NIPAL2: variants seen among roughly 807,000 people sequenced by gnomAD.
NIPAL2 encodes NIPA like domain containing 2.
Under a neutral mutation model 48.9 loss-of-function variants are expected in NIPAL2, and 43 were observed. The ratio of observed to expected loss-of-function variants is 0.88; its 90% CI spans 0.69 to 1.13. The LOEUF is 1.13. Among genes scored for constraint, NIPAL2 ranks in the 50% most tolerant of loss-of-function variants. The pLI, the probability that NIPAL2 is intolerant of heterozygous loss-of-function variation, is 0.00. For synonymous variants in NIPAL2, 167 were observed against 174.6 expected, an observed-to-expected ratio of 0.96 and a Z score of 0.34; for missense variants, 446 against 461.4, an observed-to-expected ratio of 0.97 and a Z score of 0.31.
chr8:98,222,441 T>C (rs764085513), intron 5 of NIPAL2, 38 bp downstream of exon 5: 7 of 1,605,320 alleles, frequency 4.4e-6, no homozygotes, highest in Non-Finnish European at 6.0e-6. Flanking sequence ...GTCTGGATAA[T>C]ATAGCTTCGG....
At chr8:98,204,856 A>T (rs980438667) in intron 7 of NIPAL2, among the ~76,000 whole-genome samples, 1 of 151,928 alleles carries the variant, frequency 6.6e-6, no homozygotes, top group Non-Finnish European at 1.5e-5. Flanking sequence ...AGCATCAGGA[A>T]AGTATCAAAG....
intron 2 of NIPAL2, among the ~76,000 whole-genome samples, chr8:98,253,007 CT>C (rs1012823976): frequency 3.3e-5 from 5 of 151,958 alleles, no homozygotes. Context: ...GTGAATCCTC[CT>C]TTTGTCCAAC....
At chr8:98,206,749 C>T (rs369444860) in intron 6 of NIPAL2, among the ~76,000 whole-genome samples, 1 of 148,812 alleles carries the variant, frequency 6.7e-6, no homozygotes, top group African/African-American at 2.5e-5. Flanking sequence ...TGCACTCCAG[C>T]CTGGGTGACA....
chr8:98,203,247 A>G (rs1222864827), intron 7 of NIPAL2, 51 bp from the exon 8 acceptor site: 2 of 1,284,616 alleles, frequency 1.6e-6, no homozygotes, highest in Non-Finnish European at 2.3e-6. Flanking sequence ...ACATTCAGCA[A>G]TAAGTTAACA....
intron 3 of NIPAL2, among the ~76,000 whole-genome samples, chr8:98,248,717 A>G (rs940559677): frequency 6.6e-6 from 1 of 152,242 alleles, no homozygotes; most frequent in Non-Finnish European, 1.5e-5. Context: ...AGCTTTGTGA[A>G]TTAATGGAAA....
chr8:98,288,269 C>G (rs1816295977), intron 1 of NIPAL2, among the ~76,000 whole-genome samples: 1 of 147,924 alleles, frequency 6.8e-6, no homozygotes, highest in South Asian at 2.2e-4. Context: ...CAATTCCCAC[C>G]TATGAGTGAG....
intron 4 of NIPAL2, among the ~76,000 whole-genome samples, chr8:98,233,044 G>T (rs1479049489): frequency 6.6e-6 from 1 of 152,180 alleles, no homozygotes; most frequent in Non-Finnish European, 1.5e-5. Flanking sequence ...TGGATCATGA[G>T]CTCAGGAGTT....
intron 1 of NIPAL2, among the ~76,000 whole-genome samples, chr8:98,278,250 T>G (rs1297498394): frequency 6.6e-6 from 1 of 152,176 alleles, no homozygotes; most frequent in Non-Finnish European, 1.5e-5. Flanking sequence ...GTTTGTTTTG[T>G]TTTTGCAATT....
At chr8:98,217,177 C>T (rs1157961105) in intron 5 of NIPAL2, 1 of 985,314 alleles carries the variant, frequency 1.0e-6, no homozygotes. Flanking sequence ...CTGGGCTTCT[C>T]AAATCTTCCT....
At chr8:98,226,951 CT>C (rs1563503548) in intron 4 of NIPAL2, among the ~76,000 whole-genome samples, 2 of 152,134 alleles carry the variant, frequency 1.3e-5, no homozygotes, top group African/African-American at 4.8e-5. Flanking sequence ...TTCTATTCTA[CT>C]GCAGCTAGGC....
chr8:98,234,644 C>T (rs186150174), intron 4 of NIPAL2, among the ~76,000 whole-genome samples: 46 of 151,786 alleles, frequency 3.0e-4, no homozygotes, highest in Non-Finnish European at 5.0e-4. Context: ...TCCTCCCAGG[C>T]TCAGGTGATC....
intron 4 of NIPAL2, among the ~76,000 whole-genome samples, chr8:98,232,359 A>G (rs1487282432): frequency 6.6e-6 from 1 of 152,202 alleles, no homozygotes; most frequent in Non-Finnish European, 1.5e-5. Flanking sequence ...GAAAAAACAA[A>G]ACAGAGCACC....
At chr8:98,206,775 T>TAA (rs1811064057) in intron 6 of NIPAL2, among the ~76,000 whole-genome samples, 1 of 88,534 alleles carries the variant, frequency 1.1e-5, no homozygotes, top group African/African-American at 4.8e-5. Context: ...AGACTCTGTC[T>TAA]CAAAAAAAAA....
At chr8:98,252,748 TA>T in intron 2 of NIPAL2, 114 bp from the exon 3 acceptor site, 1 of 904,376 alleles carries the variant, frequency 1.1e-6, no homozygotes, top group Non-Finnish European at 1.6e-6. Flanking sequence ...TTTATTTTTG[TA>T]TTTTTTTTTA....
chr8:98,218,217 T>C (rs936233846), intron 5 of NIPAL2, among the ~76,000 whole-genome samples: 1 of 152,252 alleles, frequency 6.6e-6, no homozygotes, highest in African/African-American at 2.4e-5. Context: ...GTGACCCTTT[T>C]CTTAACTAGA....
At chr8:98,270,971 G>T (rs1000578080) in intron 1 of NIPAL2, among the ~76,000 whole-genome samples, 1 of 152,052 alleles carries the variant, frequency 6.6e-6, no homozygotes, top group Non-Finnish European at 1.5e-5. Flanking sequence ...TTTCTCCATT[G>T]CTTTTGTCGA....
chr8:98,251,865 G>A (rs1237026348), intron 3 of NIPAL2: 2 of 152,130 alleles, frequency 1.3e-5, no homozygotes, highest in East Asian at 3.8e-4. Context: ...GATTTTAACA[G>A]GGCTTAGAGA....
At chr8:98,279,097 T>G (rs1255756866) in intron 1 of NIPAL2, among the ~76,000 whole-genome samples, 1 of 152,068 alleles carries the variant, frequency 6.6e-6, no homozygotes, top group Non-Finnish European at 1.5e-5. Flanking sequence ...GTCTAATTAT[T>G]CAAGGTTGAT....
chr8:98,274,275 A>G (rs142523083), intron 1 of NIPAL2, among the ~76,000 whole-genome samples: 1 of 150,684 alleles, frequency 6.6e-6, no homozygotes, highest in Non-Finnish European at 1.5e-5. Context: ...CTATCTCTCT[A>G]TCTATCTATC....
Sources: allele counts gnomAD v4.1 joint callset (sites outside exome capture counted in the v4.1 genomes callset), GRCh38; gene constraint gnomAD v4.1.1; transcripts MANE v1.5; gene names NCBI Gene and HGNC (gene_info 2026-07-23, HGNC 2026-07-21).